Variants in SPTBN2 observed in about 807,000 individuals in gnomAD.
SPTBN2 encodes spectrin beta chain, non-erythrocytic 2.
SPTBN2 carries 107 observed loss-of-function variants against 284.2 expected under a neutral mutation model. The observed-to-expected ratio is 0.38, with a 90% confidence interval of 0.32 to 0.44. The LOEUF (loss-of-function observed/expected upper bound fraction) is 0.44. SPTBN2 is among the 20% of genes least tolerant of loss of function. The pLI is 1.00. For synonymous variants in SPTBN2, 1,289 were observed against 1,354.8 expected (o/e 0.95, Z 1.07); for missense variants, 2,569 against 3,287.1 (o/e 0.78, Z 5.34).
At chr11:66,738,099 C>G (rs1192331272) in intron 1 of SPTBN2, among the ~76,000 whole-genome samples, 4 of 152,112 alleles carry the variant, frequency 2.6e-5, no homozygotes, top group African/African-American at 9.7e-5. Flanking sequence ...CCTATAATCC[C>G]AGCTACTCAG....
Position 66,693,427 on chromosome 11 carries a change from T to C in SPTBN2, c.4613A>G (p.Gln1538Arg). The C allele has an allele frequency of 6.3e-7, 1 of 1,599,366 alleles. No individual in the cohort carries two copies. Among genetic ancestry groups the C allele is most frequent in the South Asian group, 1.1e-5 (1 of 91,046 alleles). Residue 1538 changes from glutamine (Q) to arginine (R), a missense_variant, in exon 24 of 38, where the codon CAG becomes CGG. Gln to Arg is a conservative substitution (Grantham distance 43). Around this residue, in one of 6 missense-constraint regions of SPTBN2, gnomAD observed 1,130 missense variants for 1,317.3 expected, o/e 0.86. Coordinates refer to ENST00000533211, the MANE Select transcript of SPTBN2 (RefSeq NM_006946.4). The surrounding 1 kb of genome is among the most constrained non-coding windows in gnomAD (Gnocchi z 5.7). ...GTCCGCGATCCGGGGCTCATGGCCC[T>C]GAATCTCTTTCTGCAGGGTCTGCCC... Reference protein sequence around the residue: ...KKNQTLQKEIQGHEPRIADLR... With the variant: ...KKNQTLQKEIRGHEPRIADLR...
At chr11:66,716,429 G>C (rs572478861) in intron 3 of SPTBN2, among the ~76,000 whole-genome samples, 34 of 151,738 alleles carry the variant, frequency 2.2e-4, no homozygotes, top group African/African-American at 8.2e-4. Flanking sequence ...GCAGGGAGCC[G>C]AGATTGTGCC....
rs541174130 is a variant in SPTBN2, at chr11:66,735,835, GT to G, written c.-474-6644del. Among the ~76,000 whole-genome samples, 53 of 152,274 alleles carry G rather than the reference GT, an allele frequency of 3.5e-4. No homozygotes were observed. In the East Asian group the frequency reaches 7.1e-3, roughly 20 times the overall value. On this transcript the variant is annotated intron_variant, in intron 1 of 37. Transcript: ENST00000611817. The stretch of plus-strand genomic sequence containing the variant: ...GAAGTTAATTCTTTTTTAGCTATCA[GT>G]AGAAATGAGAGCTGACGAACTAAGT...
At chr11:66,686,830 C>A in intron 36 of SPTBN2, 164 bp downstream of exon 36, 2 of 913,128 alleles carry the variant, frequency 2.2e-6, no homozygotes. Context: ...GTGGAGACAA[C>A]CAGAATCTCC....
intron 15 of SPTBN2, among the ~76,000 whole-genome samples, chr11:66,702,748 C>A (rs980945158): frequency 2.0e-5 from 3 of 151,576 alleles, no homozygotes; most frequent in Non-Finnish European, 4.4e-5. Context: ...ACCATCCTGG[C>A]TAACACGGTG....
chr11:66,726,750 T>G (rs1051668642), intron 1 of SPTBN2, among the ~76,000 whole-genome samples: 1 of 151,758 alleles, frequency 6.6e-6, no homozygotes, highest in African/African-American at 2.4e-5. Context: ...GAAGGCAGAG[T>G]TGAACAAATG....
rs749617566 is a variant in SPTBN2 at position 66,700,723 on chromosome 11, C to T, written c.3376G>A (p.Ala1126Thr). 1.2e-6 allele frequency: 2 copies of T among 1,603,954 alleles called. No individual in the cohort carries two copies. The highest frequency in any genetic ancestry group is 1.7e-6 in the Non-Finnish European group (2 of 1,179,806). ...RAQSEYSRLR[A>T]LGEEVTRDQA... ...TCCCGGGTCACCTCCTCGCCCAGGGCTCGCAGCCGGCTATACTCGCTCTGG... is the reference window on the plus strand; with the variant it reads ...TCCCGGGTCACCTCCTCGCCCAGGGTTCGCAGCCGGCTATACTCGCTCTGG... Residue 1126 changes from alanine to threonine, a missense_variant, in exon 17 of 38, where the codon GCC (alanine) becomes ACC (threonine). Physicochemically the swap from Ala to Thr is moderately conservative, Grantham distance 58. Transcript: ENST00000533211. This position sits in a 1 kb window ranked among gnomAD's most constrained non-coding sequence, Gnocchi z 6.6.
At chr11:66,723,877 C>G (rs940022820) in intron 1 of SPTBN2, among the ~76,000 whole-genome samples, 2 of 152,164 alleles carry the variant, frequency 1.3e-5, no homozygotes, top group Non-Finnish European at 2.9e-5. Flanking sequence ...ACCTCAGGAC[C>G]AAGTGTAATT....
At chr11:66,731,056 T>A (rs898484765), upstream of SPTBN2, among the ~76,000 whole-genome samples, 2 of 152,184 alleles carry the variant, frequency 1.3e-5, no homozygotes, top group African/African-American at 4.8e-5. Flanking sequence ...GTTACCTCCC[T>A]AGGATTCAGT....
At chr11:66,736,518 A>G (rs1038221665) in intron 1 of SPTBN2, among the ~76,000 whole-genome samples, 3 of 152,212 alleles carry the variant, frequency 2.0e-5, no homozygotes, top group Non-Finnish European at 4.4e-5. Flanking sequence ...GTCAATAACG[A>G]ACCACTTTTT....
chr11:66,744,666 C>T (rs1942945755), exon 1 of SPTBN2: 2 of 517,868 alleles, frequency 3.9e-6, no homozygotes, highest in Non-Finnish European at 5.3e-6. Flanking sequence ...GTCTCGGGGC[C>T]CTGCAGCGTC....
Position 66,710,449 on chromosome 11 carries a change from G to T in SPTBN2, c.1073+133C>A. The T allele has an allele frequency of 3.4e-6, 3 of 880,844 alleles. No homozygotes were observed. Among genetic ancestry groups the T allele is most frequent in the Non-Finnish European group, 3.5e-6 (2 of 563,866 alleles). 54.6% of individuals were successfully genotyped at this position (880,844 alleles called of 1,614,324 possible). ...TTATTTTGTATCAACTATGTTGTTT[G>T]GATGCTTCTGGTGTGGGAAATCTCC... On this transcript the variant is annotated intron_variant, in intron 10 of 37. Transcript: ENST00000533211. This position sits in a 1 kb window ranked among gnomAD's most constrained non-coding sequence, Gnocchi z 4.9.
At chr11:66,704,020 T>C (rs1941391400) in intron 15 of SPTBN2, among the ~76,000 whole-genome samples, 1 of 147,474 alleles carries the variant, frequency 6.8e-6, no homozygotes, top group Admixed American at 7.0e-5. Flanking sequence ...TCGCCAAGGC[T>C]GGAGAGCAGT....
intron 3 of SPTBN2, among the ~76,000 whole-genome samples, chr11:66,717,635 A>G (rs188085261): frequency 6.6e-6 from 1 of 152,326 alleles, no homozygotes; most frequent in East Asian, 1.9e-4. Flanking sequence ...CTGAGCCAGG[A>G]GGAGCGTGGG....
Position 66,685,459 on chromosome 11 carries a change from G to A in SPTBN2, c.*412C>T. On this transcript the variant is annotated 3_prime_UTR_variant, in exon 38 of 38. Transcript: ENST00000533211. The surrounding 1 kb of genome is among the most constrained non-coding windows in gnomAD (Gnocchi z 4.4). ...CCTGCTTCAGCTCTGAGAGGTTCCT[G>A]GCTGGTCTGAGGGGTGAGGAACCAG... 3.8e-6 allele frequency: 1 copy of A among 263,190 alleles called. No individual in the cohort carries two copies. Among genetic ancestry groups the A allele is most frequent in the Non-Finnish European group, 7.6e-6 (1 of 132,388 alleles). 16.3% of individuals were successfully genotyped at this position (263,190 alleles called of 1,614,324 possible).
chr11:66,726,015 G>T (rs908029018), intron 1 of SPTBN2, among the ~76,000 whole-genome samples: 3 of 152,096 alleles, frequency 2.0e-5, no homozygotes, highest in Non-Finnish European at 4.4e-5. Flanking sequence ...ATCGCATTAC[G>T]GTTAGTTGTT....
intron 3 of SPTBN2, among the ~76,000 whole-genome samples, chr11:66,719,187 G>C (rs1369319365): frequency 2.0e-5 from 3 of 152,250 alleles, no homozygotes; most frequent in African/African-American, 7.2e-5. Context: ...GCCAGGCACT[G>C]TGCGAGGCAT....
intron 1 of SPTBN2, among the ~76,000 whole-genome samples, chr11:66,725,656 A>G (rs1184744492): frequency 2.0e-5 from 3 of 152,166 alleles, no homozygotes; most frequent in African/African-American, 7.2e-5. Flanking sequence ...ATCATACCTT[A>G]TTCTTAGCAA....
Position 66,700,560 on chromosome 11 carries a change from T to A in SPTBN2, c.3539A>T (p.Asp1180Val). 2 of 1,606,624 alleles carry A rather than the reference T, an allele frequency of 1.2e-6. No individual in the cohort carries two copies. The highest frequency in any genetic ancestry group is 1.7e-6 in the Non-Finnish European group (2 of 1,179,986). ...QAHGFQGFLR[D>V]ARQAEGVLSS... ...GAGCACGCCCTCAGCCTGACGAGCA[T>A]CCCGCAGGAATCCCTGGAAGCCGTG... Residue 1180 changes from aspartate (D) to valine (V), a missense_variant, in exon 17 of 38, where the codon GAT (aspartate) becomes GTT (valine). Asp to Val is a radical substitution (Grantham distance 152, BLOSUM62 -3). Transcript: ENST00000533211. This position sits in a 1 kb window ranked among gnomAD's most constrained non-coding sequence, Gnocchi z 6.6.
Sources: gnomAD v4.1 joint callset for allele counts (sites outside exome capture counted in the v4.1 genomes callset) on GRCh38, gnomAD v4.1.1 for gene constraint, gnomAD v4.1.1 regional missense constraint, Gnocchi (gnomAD v3.1) non-coding constraint, MANE v1.5 for transcripts, NCBI Gene and HGNC (gene_info 2026-07-23, HGNC 2026-07-21) for gene names.